The following MAML1 variants were observed in gnomAD, a reference collection of about 807,000 sequenced individuals.
MAML1 encodes mastermind-like protein 1.
A neutral mutation model predicts 77.1 loss-of-function variants in MAML1; 14 were observed. The ratio of observed to expected loss-of-function variants is 0.18; its 90% CI spans 0.12 to 0.28. MAML1 has a LOEUF of 0.28. Among genes scored for constraint, MAML1 ranks in the 10% least tolerant of loss-of-function variants. The pLI, the probability that MAML1 is intolerant of heterozygous loss-of-function variation, is 1.00. For missense variants in MAML1, 1,217 were observed against 1,327.8 expected, an observed-to-expected ratio of 0.92 and a Z score of 1.30; for synonymous variants, 516 against 551.9, an observed-to-expected ratio of 0.93 and a Z score of 0.91.
At chr5:179,748,117 C>T (rs902410183) in intron 1 of MAML1, among the ~76,000 whole-genome samples, 1 of 152,150 alleles carries the variant, frequency 6.6e-6, no homozygotes, top group African/African-American at 2.4e-5. Context: ...GAGCCTCACT[C>T]TGTCGCCCAG....
At chr5:179,742,780 C>CTCCA (rs1779307614) in intron 1 of MAML1, among the ~76,000 whole-genome samples, 1 of 152,186 alleles carries the variant, frequency 6.6e-6, no homozygotes, top group Non-Finnish European at 1.5e-5. Context: ...TACCACTGCA[C>CTCCA]TCCAGCCCAG....
In MAML1 at chr5:179,733,310, C is replaced by G. The variant is rs1345530466; in HGVS notation, c.198C>G (p.Ala66=). The change falls in exon 1 of 5, where the codon GCC becomes GCG. Residue 66 remains alanine, a synonymous_variant. Coordinates refer to ENST00000292599, the MANE Select transcript of MAML1 (RefSeq NM_014757.5). ...CCCTGCACCAGCGCTGCATCCAGGC[C>G]AAGGCCAAGCGCGCCGGGAAGCACA... is the stretch of plus-strand genomic sequence containing the variant. ...TFALHQRCIQ[A]KAKRAGKHRQ... 1 of 1,406,784 alleles carries G rather than the reference C, an allele frequency of 7.1e-7. No individual in the cohort carries two copies. The highest frequency in any genetic ancestry group is 2.5e-5 in the Admixed American group (1 of 39,322). 87.1% of individuals were successfully genotyped at this position (1,406,784 alleles called of 1,614,324 possible). A position where few individuals can be genotyped will look rare whatever the true frequency, so the allele number is the denominator to read the frequency against.
chr5:179,748,901 G>T (rs912969495), intron 1 of MAML1, among the ~76,000 whole-genome samples: 26 of 152,058 alleles, frequency 1.7e-4, no homozygotes, highest in African/African-American at 5.8e-4. Flanking sequence ...CTGGACTTCT[G>T]TACCTAGCCT....
chr5:179,773,914 C>T lies in MAML1; in HGVS notation c.2088C>T (p.Pro696=), dbSNP rs1355204376. 6.8e-6 allele frequency: 11 copies of T among 1,613,348 alleles called. No homozygotes were observed. Among genetic ancestry groups the T allele is most frequent in the Middle Eastern group, 1.6e-4 (1 of 6,062 alleles). Residue 696 remains proline, a synonymous_variant, in exon 5 of 5, where the codon CCC becomes CCT. Coordinates refer to ENST00000292599, the MANE Select transcript of MAML1 (RefSeq NM_014757.5). ...GQFTGSSAAV[P]GMNTLGPSNS... Reference sequence around the variant, plus strand: ...TTGTAGGGTCCTCTGCTGCCGTGCCCGGCATGAACACCTTGGGTCCATCCA... The same window carrying T: ...TTGTAGGGTCCTCTGCTGCCGTGCCTGGCATGAACACCTTGGGTCCATCCA...
At chr5:179,759,909 TAAG>T (rs1276578504) in intron 1 of MAML1, among the ~76,000 whole-genome samples, 2 of 152,106 alleles carry the variant, frequency 1.3e-5, no homozygotes, top group African/African-American at 2.4e-5. Context: ...CAAGAAATAT[TAAG>T]GAGGTAGACT....
In MAML1 at chr5:179,742,061, C is replaced by T. The variant is rs1009856024; in HGVS notation, c.315+8634C>T. 3.3e-5 allele frequency among the ~76,000 whole-genome samples: 5 copies of T among 151,680 alleles called. No individual in the cohort carries two copies. In the South Asian group the frequency reaches 6.3e-4, roughly 19 times the overall value. ...TAATTTTTTGTATTTTTAGTAGAGACGGGGTTTCACCATGTTTGCCAGATT... is the reference window on the plus strand; with the variant it reads ...TAATTTTTTGTATTTTTAGTAGAGATGGGGTTTCACCATGTTTGCCAGATT... On this transcript the variant is annotated intron_variant, in intron 1 of 4. Transcript: ENST00000292599.
rs1779828108 is a variant in MAML1, at chr5:179,766,772, T to C, written c.1731+31T>C. 6.7e-7 allele frequency: 1 copy of C among 1,488,560 alleles called. No individual in the cohort carries two copies. The allele number at this position is 1,488,560 out of a possible 1,614,324, so 92.2% of individuals were successfully genotyped here. ...TATGAGCCTTTGCTTTCTGTTCCTC[T>C]GCTGCAGACACTTCAGTGAGGTTAC... On this transcript the variant is annotated intron_variant, in intron 2 of 4. Transcript: ENST00000292599. This position sits in a 1 kb window ranked among gnomAD's most constrained non-coding sequence, Gnocchi z 4.0.
At position 179,737,953 on chromosome 5, in the gene MAML1, C is replaced by T. The variant is rs1229235330; in HGVS notation, c.315+4526C>T. 4.6e-5 allele frequency among the ~76,000 whole-genome samples: 6 copies of T among 130,026 alleles called. No homozygotes were observed. In the South Asian group the frequency reaches 1.4e-3, roughly 31 times the overall value. The allele number at this position is 130,026 out of a possible 152,430, so 85.3% of individuals were successfully genotyped here. On this transcript the variant is annotated intron_variant, in intron 1 of 4. Transcript: ENST00000292599. Reference sequence around the variant, plus strand: ...CTGGGACTACAGGTGTGCACCACCGCACCCGGCTAGGTTTTAAAGTTTTTT... The same window carrying T: ...CTGGGACTACAGGTGTGCACCACCGTACCCGGCTAGGTTTTAAAGTTTTTT...
rs994809349 is a variant in MAML1, at chr5:179,771,176, C to T, written c.2001C>T (p.Thr667=). 6 of 1,614,008 alleles carry T rather than the reference C, an allele frequency of 3.7e-6. No individual in the cohort carries two copies. The highest frequency in any genetic ancestry group is 5.1e-6 in the Non-Finnish European group (6 of 1,179,958). Residue 667 remains threonine (T), a synonymous_variant, in exon 4 of 5, where the codon ACC becomes ACT. Coordinates refer to ENST00000292599, the MANE Select transcript of MAML1 (RefSeq NM_014757.5). The surrounding 1 kb of genome is among the most constrained non-coding windows in gnomAD (Gnocchi z 4.7). ...QEKQQFQRHL[T]RPPPQYQDPT... is the part of the protein sequence containing the mutation. ...AGCAACAGTTTCAGCGCCATCTGACCCGCCCACCACCCCAGTACCAAGACC... is the reference window on the plus strand; with the variant it reads ...AGCAACAGTTTCAGCGCCATCTGACTCGCCCACCACCCCAGTACCAAGACC...
At chr5:179,763,455 ATT>A (rs11419516) in intron 1 of MAML1, among the ~76,000 whole-genome samples, 256 of 147,396 alleles carry the variant, frequency 1.7e-3, no homozygotes, top group African/African-American at 3.4e-3. Context: ...CATTCCTGCG[ATT>A]TTTTTTTTTT....
chr5:179,743,493 A>C (rs1779322006), intron 1 of MAML1, among the ~76,000 whole-genome samples: 1 of 149,564 alleles, frequency 6.7e-6, no homozygotes, highest in African/African-American at 2.5e-5. Flanking sequence ...CAGCCTCCCA[A>C]GTAGCTGGGA....
rs528144588 is a variant in MAML1, at chr5:179,745,170, G to T, written c.315+11743G>T. Among the ~76,000 whole-genome samples the T allele has an allele frequency of 3.3e-5, 5 of 152,068 alleles. No individual in the cohort carries two copies. In the East Asian group the frequency reaches 9.8e-4, roughly 30 times the overall value. On this transcript the variant is annotated intron_variant, in intron 1 of 4. Coordinates refer to ENST00000292599, the MANE Select transcript of MAML1 (RefSeq NM_014757.5). The stretch of plus-strand genomic sequence containing the variant: ...TCCGCCTGCCTCGGCCTCCCAAAGT[G>T]CTGGGATTACAGGCGTGAGCCACCG...
intron 1 of MAML1, among the ~76,000 whole-genome samples, chr5:179,762,462 C>T (rs531915452): frequency 1.2e-4 from 19 of 152,206 alleles, no homozygotes; most frequent in African/African-American, 4.3e-4. Flanking sequence ...AGGCTGAGCA[C>T]ACGTGGTTCT....
Position 179,765,293 on chromosome 5 carries a change from G to T in MAML1, c.316-33G>T, listed in dbSNP as rs199828835. 2.0e-6 allele frequency: 3 copies of T among 1,534,928 alleles called. No homozygotes were observed. In the African/African-American group the frequency reaches 4.1e-5, roughly 21 times the overall value. On this transcript the variant is annotated intron_variant, in intron 1 of 4. Transcript: ENST00000292599. ...CTGTCATAGCAGAGCAAATTCATAT[G>T]TATCTTAAGTCATTCTTTTCAATGT...
At chr5:179,747,201 A>G (rs934724122) in intron 1 of MAML1, among the ~76,000 whole-genome samples, 5 of 152,232 alleles carry the variant, frequency 3.3e-5, no homozygotes, top group Admixed American at 2.6e-4. Flanking sequence ...GTATTAGACT[A>G]TGAGCAACTT....
At chr5:179,744,246 A>G (rs1370155962) in intron 1 of MAML1, among the ~76,000 whole-genome samples, 5 of 152,234 alleles carry the variant, frequency 3.3e-5, no homozygotes, top group Admixed American at 3.3e-4. Flanking sequence ...GTGCAGTGGC[A>G]TGGTCTTGGC....
rs560762623 is a variant in MAML1, at chr5:179,745,151, T to C, written c.315+11724T>C. On this transcript the variant is annotated intron_variant, in intron 1 of 4. Transcript: ENST00000292599. The stretch of plus-strand genomic sequence containing the variant: ...CGATCTCCTGACCTCGTGATCCGCC[T>C]GCCTCGGCCTCCCAAAGTGCTGGGA... Among the ~76,000 whole-genome samples, 376 of 151,960 alleles carry C rather than the reference T, an allele frequency of 2.5e-3. 3 individuals carry two copies. Among genetic ancestry groups the C allele is most frequent in the African/African-American group, 8.6e-3 (357 of 41,510 alleles).
Position 179,771,308 on chromosome 5 carries a change from T to C in MAML1, c.2068+65T>C, listed in dbSNP as rs188682049. On this transcript the variant is annotated intron_variant, in intron 4 of 4. Coordinates refer to ENST00000292599, the MANE Select transcript of MAML1 (RefSeq NM_014757.5). This position sits in a 1 kb window ranked among gnomAD's most constrained non-coding sequence, Gnocchi z 4.7. ...CGCTGCCTGGTGCTGGTTGAATCCC[T>C]GCTGTCTGCCCAGCTCTATGCCTTG... 3.3e-4 allele frequency: 454 copies of C among 1,366,634 alleles called. 1 individual carries two copies. Among genetic ancestry groups the C allele is most frequent in the Admixed American group, 3.4e-4 (20 of 59,398 alleles). 84.7% of individuals were successfully genotyped at this position (1,366,634 alleles called of 1,614,324 possible). A position where few individuals can be genotyped will look rare whatever the true frequency, so the allele number is the denominator to read the frequency against.
intron 1 of MAML1, among the ~76,000 whole-genome samples, chr5:179,754,987 G>C (rs1230102727): frequency 6.6e-6 from 1 of 152,166 alleles, no homozygotes; most frequent in Non-Finnish European, 1.5e-5. Context: ...ACAGAAGAGA[G>C]AAAGAAAAGA....
Sources: allele counts gnomAD v4.1 joint callset (sites outside exome capture counted in the v4.1 genomes callset), GRCh38; gene constraint gnomAD v4.1.1; non-coding constraint Gnocchi (gnomAD v3.1); transcripts MANE v1.5; gene names NCBI Gene and HGNC (gene_info 2026-07-23, HGNC 2026-07-21).